MAPK8IP1: variants seen among roughly 807,000 people sequenced by gnomAD.
MAPK8IP1 encodes C-Jun-amino-terminal kinase-interacting protein 1.
Under a neutral mutation model 72.6 loss-of-function variants are expected in MAPK8IP1, and 17 were observed. The observed-to-expected ratio is 0.23, with a 90% CI of 0.16 to 0.35. The LOEUF is 0.35. Among genes scored for constraint, MAPK8IP1 ranks in the 10% least tolerant of loss-of-function variants. The probability of loss-of-function intolerance (pLI) is 1.00; values close to 1 mark genes in which losing one functional copy is unlikely to be tolerated. For missense variants in MAPK8IP1, 789 were observed against 1,009.7 expected (o/e 0.78, Z 2.96); for synonymous variants, 401 against 443.4 (o/e 0.90, Z 1.20).
Position 45,885,867 on chromosome 11 carries a change from C to A in MAPK8IP1, c.47C>A (p.Pro16Gln). 1 of 1,458,546 alleles carries A rather than the reference C, an allele frequency of 6.9e-7. No homozygotes were observed. Among genetic ancestry groups the A allele is most frequent in the East Asian group, 3.0e-5 (1 of 33,282 alleles). The allele number at this position is 1,458,546 out of a possible 1,614,324, so 90.4% of individuals were successfully genotyped here. ...GGCCTGGGAGGGGGGGCCGCGTCCCCGCCCGCCGCCTCCCCGTTCCTGGGG... is the reference window on the plus strand; with the variant it reads ...GGCCTGGGAGGGGGGGCCGCGTCCCAGCCCGCCGCCTCCCCGTTCCTGGGG... ...SGGLGGGAAS[P>Q]PAASPFLGLH... The change falls in exon 1 of 12, where the codon CCG (proline) becomes CAG (glutamine). Residue 16 changes from proline (P) to glutamine (Q), a missense_variant. Physicochemically the swap from Pro to Gln is moderately conservative, Grantham distance 76. Around this residue, in one of 4 missense-constraint regions of MAPK8IP1, gnomAD observed 112 missense variants for 111.8 expected, o/e 1.00. Transcript: ENST00000241014.
At chr11:45,896,278 C>G (rs1313262250) in intron 1 of MAPK8IP1, among the ~76,000 whole-genome samples, 4 of 152,246 alleles carry the variant, frequency 2.6e-5, no homozygotes, top group Non-Finnish European at 5.9e-5. Flanking sequence ...TGGATGCAGC[C>G]TGGGCCCACA....
chr11:45,890,275 G>T (rs912490839), intron 1 of MAPK8IP1, among the ~76,000 whole-genome samples: 25 of 152,204 alleles, frequency 1.6e-4, no homozygotes, highest in Non-Finnish European at 5.9e-5. Flanking sequence ...GAATGACAGG[G>T]TCAGACAGAT....
In MAPK8IP1 at chr11:45,903,426, C is replaced by G. The variant is rs775529953; in HGVS notation, c.1479C>G (p.His493Gln). 1 of 1,612,754 alleles carries G rather than the reference C, an allele frequency of 6.2e-7. No homozygotes were observed. The highest frequency in any genetic ancestry group is 8.5e-7 in the Non-Finnish European group (1 of 1,179,944). Reference protein sequence around the residue: ...IINGEEQEQTHRAIFRFVPRH... With the variant: ...IINGEEQEQTQRAIFRFVPRH... Reference sequence around the variant, plus strand: ...ACGGGGAGGAGCAGGAGCAGACCCACCGGGCCATATTCAGGTGAGAGCCAT... The same window carrying G: ...ACGGGGAGGAGCAGGAGCAGACCCAGCGGGCCATATTCAGGTGAGAGCCAT... The change falls in exon 6 of 12, where the codon CAC (histidine) becomes CAG (glutamine). Residue 493 changes from histidine (H) to glutamine (Q), a missense_variant. Transcript: ENST00000241014. This position sits in a 1 kb window ranked among gnomAD's most constrained non-coding sequence, Gnocchi z 6.4.
In MAPK8IP1 at chr11:45,885,731, G is replaced by C; in HGVS notation, c.-90G>C. The C allele has an allele frequency of 1.5e-6, 1 of 669,850 alleles. No individual in the cohort carries two copies. Among genetic ancestry groups the C allele is most frequent in the Non-Finnish European group, 2.2e-6 (1 of 456,686 alleles). The allele number at this position is 669,850 out of a possible 1,614,324, so 41.5% of individuals were successfully genotyped here. ...CGCCTAGCCCGAACTCCGCGGCGGC[G>C]GCTGCCCTCTCGCCGCGCCTCCGCC... is the stretch of plus-strand genomic sequence containing the variant. On this transcript the variant is annotated 5_prime_UTR_variant, in exon 1 of 12. Coordinates refer to ENST00000241014, the MANE Select transcript of MAPK8IP1 (RefSeq NM_005456.4).
In MAPK8IP1 at chr11:45,898,533, T is replaced by A. The variant is rs1458534947; in HGVS notation, c.207+343T>A. Among the ~76,000 whole-genome samples, 3 of 152,200 alleles carry A rather than the reference T, an allele frequency of 2.0e-5. No homozygotes were observed. In the East Asian group the frequency reaches 5.8e-4, roughly 29 times the overall value. ...ACTCAGGGCTACCCCTGAATCCTTTTGGGAGCAGCCCTGGCAGAGGGCCTG... is the reference window on the plus strand; with the variant it reads ...ACTCAGGGCTACCCCTGAATCCTTTAGGGAGCAGCCCTGGCAGAGGGCCTG... On this transcript the variant is annotated intron_variant, in intron 2 of 11. Coordinates refer to ENST00000241014, the MANE Select transcript of MAPK8IP1 (RefSeq NM_005456.4).
chr11:45,885,999 C>G, intron 1 of MAPK8IP1, 78 bp downstream of exon 1: 1 of 860,344 alleles, frequency 1.2e-6, no homozygotes, highest in Non-Finnish European at 1.6e-6. Flanking sequence ...CGCCCCCCAC[C>G]CCAGAACCTC....
chr11:45,904,546 C>A lies in MAPK8IP1; in HGVS notation c.1758C>A (p.Leu586=). The A allele has an allele frequency of 6.2e-7, 1 of 1,614,210 alleles. No individual in the cohort carries two copies. The highest frequency in any genetic ancestry group is 8.5e-7 in the Non-Finnish European group (1 of 1,180,028). The change falls in exon 8 of 12, where the codon CTC becomes CTA. Residue 586 remains leucine, a synonymous_variant. Coordinates refer to ENST00000241014, the MANE Select transcript of MAPK8IP1 (RefSeq NM_005456.4). This position sits in a 1 kb window ranked among gnomAD's most constrained non-coding sequence, Gnocchi z 6.4. ...QVPYHKGNDV[L]CAAMQKIATT... The stretch of plus-strand genomic sequence containing the variant: ...CCTATCACAAGGGCAATGACGTCCT[C>A]TGTGCTGCTATGCAAAAGGTACCTG...
chr11:45,896,440 G>C (rs1433646327), intron 1 of MAPK8IP1: 2 of 814,864 alleles, frequency 2.5e-6, no homozygotes, highest in African/African-American at 1.8e-5. Flanking sequence ...CTGGCTTTTG[G>C]GGGGAAACAT....
rs1242350958 is a variant in MAPK8IP1, at chr11:45,885,791, C to T, written c.-30C>T. ...GCCGCCGCCTCCTCCGCGCCGCGCT[C>T]CGCCCGGATGGCCAGGGCTGTGCCC... On this transcript the variant is annotated 5_prime_UTR_variant, in exon 1 of 12. Coordinates refer to ENST00000241014, the MANE Select transcript of MAPK8IP1 (RefSeq NM_005456.4). The T allele has an allele frequency of 2.3e-6, 3 of 1,294,908 alleles. No individual in the cohort carries two copies. Among genetic ancestry groups the T allele is most frequent in the Non-Finnish European group, 3.0e-6 (3 of 1,008,646 alleles). 80.2% of individuals were successfully genotyped at this position (1,294,908 alleles called of 1,614,324 possible). A position where few individuals can be genotyped will look rare whatever the true frequency, so the allele number is the denominator to read the frequency against.
At position 45,902,848 on chromosome 11, in the gene MAPK8IP1, C is replaced by T. The variant is rs372342398; in HGVS notation, c.1081C>T (p.Pro361Ser). 34 of 1,587,846 alleles carry T rather than the reference C, an allele frequency of 2.1e-5. No individual in the cohort carries two copies. In the African/African-American group the frequency reaches 3.5e-4, roughly 16 times the overall value. ...GCGGGGGAGCCTGGGGGAGCCGCCG[C>T]CACCTCCACGGGCCTCTCTGAGCTC... is the stretch of plus-strand genomic sequence containing the variant. ...GWRGSLGEPP[P>S]PPRASLSSDT... The change falls in exon 5 of 12, where the codon CCA becomes TCA. Residue 361 changes from proline (P) to serine (S), a missense_variant. This residue lies in a region of MAPK8IP1 where 377 missense variants were observed against 411.7 expected (regional missense o/e 0.92). Transcript: ENST00000241014. The surrounding 1 kb of genome is among the most constrained non-coding windows in gnomAD (Gnocchi z 9.3).
Position 45,898,185 on chromosome 11 carries a change from T to G in MAPK8IP1, c.202T>G (p.Leu68Val), listed in dbSNP as rs142163696. ...CTTACAGTGCAAAGACACCCTGTCCTTACGGGTAAGGGCAAGCTCCCAGGA... is the reference window on the plus strand; with the variant it reads ...CTTACAGTGCAAAGACACCCTGTCCGTACGGGTAAGGGCAAGCTCCCAGGA... Reference protein sequence around the residue: ...ISLQCKDTLSLRPPRAGLLSA... With the variant: ...ISLQCKDTLSVRPPRAGLLSA... Residue 68 changes from leucine (L) to valine (V), a missense_variant, in exon 2 of 12, where the codon TTA becomes GTA. By Grantham distance (32) the Leu-to-Val change is conservative (BLOSUM62 1). Coordinates refer to ENST00000241014, the MANE Select transcript of MAPK8IP1 (RefSeq NM_005456.4). 31 of 1,611,834 alleles carry G rather than the reference T, an allele frequency of 1.9e-5. No homozygotes were observed. The highest frequency in any genetic ancestry group is 2.5e-5 in the Non-Finnish European group (29 of 1,178,664).
intron 1 of MAPK8IP1, among the ~76,000 whole-genome samples, chr11:45,894,711 GT>G (rs2086590805): frequency 6.6e-6 from 1 of 152,224 alleles, no homozygotes; most frequent in Admixed American, 6.5e-5. Context: ...AGGACTCAGT[GT>G]ATGCAGGATG....
In MAPK8IP1 at chr11:45,905,748, C is replaced by A. The variant is rs1348073971; in HGVS notation, c.*27C>A. ...TGTGCAGCCCCGCCCTCTGCGTCCCCCAGCCCTCAGGCCAGTGCCAGGACA... is the reference window on the plus strand; with the variant it reads ...TGTGCAGCCCCGCCCTCTGCGTCCCACAGCCCTCAGGCCAGTGCCAGGACA... On this transcript the variant is annotated 3_prime_UTR_variant, in exon 12 of 12. Coordinates refer to ENST00000241014, the MANE Select transcript of MAPK8IP1 (RefSeq NM_005456.4). 1.9e-6 allele frequency: 3 copies of A among 1,607,298 alleles called. No individual in the cohort carries two copies. The highest frequency in any genetic ancestry group is 2.6e-6 in the Non-Finnish European group (3 of 1,175,388).
rs781396419 is a variant in MAPK8IP1 at position 45,904,445 on chromosome 11, T to C, written c.1667-10T>C. 6.2e-7 allele frequency: 1 copy of C among 1,611,760 alleles called. No homozygotes were observed. The highest frequency in any genetic ancestry group is 8.5e-7 in the Non-Finnish European group (1 of 1,178,194). ...TTTCTGCCCCTCCTCAATTCACGCT[T>C]GCTTTCCAGCCCTGGCCAAAAACAG... On this transcript the variant is annotated splice_polypyrimidine_tract_variant and intron_variant, in intron 7 of 11. Coordinates refer to ENST00000241014, the MANE Select transcript of MAPK8IP1 (RefSeq NM_005456.4). This position sits in a 1 kb window ranked among gnomAD's most constrained non-coding sequence, Gnocchi z 6.4.
At chr11:45,889,019 G>T (rs955525547) in intron 1 of MAPK8IP1, among the ~76,000 whole-genome samples, 2 of 152,126 alleles carry the variant, frequency 1.3e-5, no homozygotes, top group African/African-American at 4.8e-5. Context: ...TATATTACAG[G>T]TTGAGTATGC....
rs114264185 is a variant in MAPK8IP1 at position 45,899,252 on chromosome 11, C to G, written c.208-886C>G. Among the ~76,000 whole-genome samples, 1,232 of 152,360 alleles carry G rather than the reference C, an allele frequency of 8.1e-3. 18 individuals are homozygous for G. Among genetic ancestry groups the G allele is most frequent in the African/African-American group, 0.028 (1,161 of 41,580 alleles). ...AGAGGTCAGGCACCTGTTCTGGACTCTCACCCTGCCCTCTCCCCCAGCTGC... is the reference window on the plus strand; with the variant it reads ...AGAGGTCAGGCACCTGTTCTGGACTGTCACCCTGCCCTCTCCCCCAGCTGC... On this transcript the variant is annotated intron_variant, in intron 2 of 11. Transcript: ENST00000241014.
Position 45,902,639 on chromosome 11 carries a change from A to G in MAPK8IP1, c.872A>G (p.Asp291Gly), listed in dbSNP as rs752360198. 6.2e-7 allele frequency: 1 copy of G among 1,612,868 alleles called. No homozygotes were observed. The highest frequency in any genetic ancestry group is 1.7e-5 in the Admixed American group (1 of 60,012). Residue 291 changes from aspartate to glycine, a missense_variant, in exon 5 of 12, where the codon GAC (aspartate) becomes GGC (glycine). Around this residue, in one of 4 missense-constraint regions of MAPK8IP1, gnomAD observed 377 missense variants for 411.7 expected, o/e 0.92. Transcript: ENST00000241014. The surrounding 1 kb of genome is among the most constrained non-coding windows in gnomAD (Gnocchi z 9.3). ...IYLTPVQRPP[D>G]AAEPTSAFLP... ...CTGACCCCAGTGCAGAGGCCCCCAG[A>G]CGCTGCAGAGCCCACCTCCGCCTTC...
At chr11:45,905,127 G>A in intron 10 of MAPK8IP1, 24 bp from the exon 11 acceptor site, 3 of 1,613,254 alleles carry the variant, frequency 1.9e-6, no homozygotes, top group Non-Finnish European at 2.5e-6. Flanking sequence ...CCCCGTCCCA[G>A]CACAGACAGA....
intron 1 of MAPK8IP1, among the ~76,000 whole-genome samples, chr11:45,890,040 G>GC (rs892511686): frequency 1.2e-4 from 18 of 152,310 alleles, no homozygotes; most frequent in African/African-American, 4.3e-4. Flanking sequence ...GTCTAGACAG[G>GC]CCCCCCAGAG....
Sources: gnomAD v4.1 joint callset for allele counts (sites outside exome capture counted in the v4.1 genomes callset) on GRCh38, gnomAD v4.1.1 for gene constraint, gnomAD v4.1.1 regional missense constraint, Gnocchi (gnomAD v3.1) non-coding constraint, MANE v1.5 for transcripts, NCBI Gene and HGNC (gene_info 2026-07-23, HGNC 2026-07-21) for gene names.